AGGF1: variants seen among roughly 807,000 people sequenced by gnomAD.
The protein encoded by AGGF1 is angiogenic factor with G-patch and FHA domains 1.
Under a neutral mutation model 86.5 loss-of-function variants are expected in AGGF1, and 56 were observed. That is an observed-to-expected ratio of 0.65 (90% CI 0.52 to 0.81). The LOEUF (loss-of-function observed/expected upper bound fraction) is 0.81, where lower values mean the gene tolerates loss of function less well. AGGF1 is among the 30% of genes least tolerant of loss of function. The pLI is 0.00. For synonymous variants in AGGF1, 313 were observed against 297.1 expected, an observed-to-expected ratio of 1.05 and a Z score of -0.55; for missense variants, 816 against 850.9, an observed-to-expected ratio of 0.96 and a Z score of 0.51.
At chr5:77,049,791 G>C (rs1747336546) in intron 8 of AGGF1, among the ~76,000 whole-genome samples, 1 of 152,074 alleles carries the variant, frequency 6.6e-6, no homozygotes, top group African/African-American at 2.4e-5. Flanking sequence ...GGGCTCAAGT[G>C]ATCTTGCCTC....
intron 5 of AGGF1, among the ~76,000 whole-genome samples, chr5:77,042,089 A>C (rs1396741625): frequency 6.6e-6 from 1 of 151,570 alleles, no homozygotes; most frequent in African/African-American, 2.4e-5. Flanking sequence ...TTTAACCCTG[A>C]GTGGACACAG....
intron 1 of AGGF1, among the ~76,000 whole-genome samples, chr5:77,032,507 T>G (rs924732424): frequency 7.4e-6 from 1 of 135,680 alleles, no homozygotes; most frequent in Admixed American, 8.7e-5. Context: ...GAGCTTGCAG[T>G]GAGCCGAGAT....
At position 77,036,690 on chromosome 5, in the gene AGGF1, T is replaced by C. The variant is rs1433403378; in HGVS notation, c.651T>C (p.Phe217=). The C allele has an allele frequency of 1.2e-6, 2 of 1,612,728 alleles. No individual in the cohort carries two copies. The highest frequency in any genetic ancestry group is 2.7e-5 in the African/African-American group (2 of 74,900). The change falls in exon 4 of 14, where the codon TTT becomes TTC. Residue 217 remains phenylalanine, a synonymous_variant. Transcript: ENST00000312916. ...FSYDENTGLY[F]DHSTGFYYDS... is the part of the protein sequence containing the mutation. ...ATGATGAAAATACTGGACTGTATTT[T>C]GACCACAGCACTGGTTTCTATTATG...
At position 77,035,594 on chromosome 5, in the gene AGGF1, GAACT is replaced by G; in HGVS notation, c.368_371del (p.Glu123GlyfsTer14). 6.2e-7 allele frequency: 1 copy of G among 1,613,436 alleles called. No homozygotes were observed. The highest frequency in any genetic ancestry group is 8.5e-7 in the Non-Finnish European group (1 of 1,179,632). ...CGTTAGTCTTCCAAATAAAGTGACT[GAACT>G]GTCAGATCAACAAGATCAAGCTATC... On this transcript the variant is annotated frameshift_variant, in exon 3 of 14. Coordinates refer to ENST00000312916, the MANE Select transcript of AGGF1 (RefSeq NM_018046.5). LOFTEE classifies it high-confidence loss of function.
intron 1 of AGGF1, 60 bp from the exon 2 acceptor site, chr5:77,034,358 G>A (rs1331854854): frequency 2.0e-6 from 2 of 997,124 alleles, no homozygotes; most frequent in Non-Finnish European, 3.2e-6. Context: ...TAGGAGACTG[G>A]TATATATATT....
rs753670647 is a variant in AGGF1 at position 77,064,070 on chromosome 5, G to T, written c.*818G>T. The T allele has an allele frequency of 6.6e-6, 1 of 152,542 alleles. No homozygotes were observed. Among genetic ancestry groups the T allele is most frequent in the African/African-American group, 2.4e-5 (1 of 41,420 alleles). The allele number at this position is 152,542 out of a possible 1,614,324, so 9.4% of individuals were successfully genotyped here. A position where few individuals can be genotyped will look rare whatever the true frequency, so the allele number is the denominator to read the frequency against. On this transcript the variant is annotated 3_prime_UTR_variant, in exon 14 of 14. Transcript: ENST00000312916. ...ATACTTATTGAAAACATCCTCAATT[G>T]CAATAAAAACATTATAACATGAAAA... is the stretch of plus-strand genomic sequence containing the variant.
chr5:77,038,948 A>G (rs1052874725), intron 4 of AGGF1, among the ~76,000 whole-genome samples: 1 of 152,152 alleles, frequency 6.6e-6, no homozygotes, highest in African/African-American at 2.4e-5. Context: ...TAATTAGTGG[A>G]GACAGTTTAT....
At position 77,052,854 on chromosome 5, in the gene AGGF1, T is replaced by C. The variant is rs202016736; in HGVS notation, c.1467+47T>C. 1,378 of 1,454,738 alleles carry C rather than the reference T, an allele frequency of 9.5e-4. 1 individual carries two copies. Among genetic ancestry groups the C allele is most frequent in the Middle Eastern group, 2.1e-3 (12 of 5,756 alleles). 90.1% of individuals were successfully genotyped at this position (1,454,738 alleles called of 1,614,324 possible). On this transcript the variant is annotated intron_variant, in intron 9 of 13. Transcript: ENST00000312916. ...TGTTACCTGCACATTATTTTTAAAC[T>C]GATTTTTTTTTATTTCTGAAGGGCA...
At position 77,037,376 on chromosome 5, in the gene AGGF1, T is replaced by C. The variant is rs115095892; in HGVS notation, c.681+656T>C. Among the ~76,000 whole-genome samples the C allele has an allele frequency of 4.1e-3, 629 of 152,360 alleles. 2 individuals are homozygous for C. Among genetic ancestry groups the C allele is most frequent in the African/African-American group, 0.014 (601 of 41,578 alleles). On this transcript the variant is annotated intron_variant, in intron 4 of 13. Coordinates refer to ENST00000312916, the MANE Select transcript of AGGF1 (RefSeq NM_018046.5). ...TTTAAAAATTATATCAAATACTTTA[T>C]GAATTCATTTTAGGCCACATAAGGA...
chr5:77,030,998 C>T (rs920466602), intron 1 of AGGF1, 22 bp downstream of exon 1: 1 of 1,610,422 alleles, frequency 6.2e-7, no homozygotes, highest in Non-Finnish European at 8.5e-7. Context: ...TCCTCAGCCC[C>T]GCGCCCCATC....
Position 77,030,594 on chromosome 5 carries a change from C to T in AGGF1, c.-173C>T, listed in dbSNP as rs557653804. 11 of 780,450 alleles carry T rather than the reference C, an allele frequency of 1.4e-5. No individual in the cohort carries two copies. Among genetic ancestry groups the T allele is most frequent in the South Asian group, 1.2e-4 (8 of 68,322 alleles). 48.3% of individuals were successfully genotyped at this position (780,450 alleles called of 1,614,324 possible). A position where few individuals can be genotyped will look rare whatever the true frequency, so the allele number is the denominator to read the frequency against. On this transcript the variant is annotated 5_prime_UTR_variant, in exon 1 of 14. Transcript: ENST00000312916. ...GTCCCCTTGCTCGTTGCTCGCAGCC[C>T]CGTTCGGCTACAAGTGAGTTTCAGG... is the stretch of plus-strand genomic sequence containing the variant.
rs1373449076 is a variant in AGGF1 at position 77,046,412 on chromosome 5, T to C, written c.936T>C (p.Asn312=). ...ATACAAGCTGCAATGAGGAAGAAAATTTCGCAAATATGAAAAAGAAGGCCA... is the reference window on the plus strand; with the variant it reads ...ATACAAGCTGCAATGAGGAAGAAAACTTCGCAAATATGAAAAAGAAGGCCA... ...VEHTSCNEEE[N]FANMKKKAKI... Residue 312 remains asparagine, a synonymous_variant, in exon 6 of 14, where the codon AAT becomes AAC. Coordinates refer to ENST00000312916, the MANE Select transcript of AGGF1 (RefSeq NM_018046.5). 1 of 1,613,676 alleles carries C rather than the reference T, an allele frequency of 6.2e-7. No individual in the cohort carries two copies. Among genetic ancestry groups the C allele is most frequent in the East Asian group, 2.2e-5 (1 of 44,860 alleles).
intron 5 of AGGF1, 63 bp downstream of exon 5, chr5:77,039,782 T>A (rs1057230840): frequency 1.4e-6 from 2 of 1,436,286 alleles, no homozygotes; most frequent in South Asian, 1.3e-5. Flanking sequence ...AAGACAAAAT[T>A]TTTTATGAAA....
At position 77,052,733 on chromosome 5, in the gene AGGF1, G is replaced by T; in HGVS notation, c.1393G>T (p.Asp465Tyr). 2 of 1,613,312 alleles carry T rather than the reference G, an allele frequency of 1.2e-6. No individual in the cohort carries two copies. Among genetic ancestry groups the T allele is most frequent in the South Asian group, 2.2e-5 (2 of 90,906 alleles). Residue 465 changes from aspartate (D) to tyrosine (Y), a missense_variant, in exon 9 of 14, where the codon GAC (aspartate) becomes TAC (tyrosine). Asp to Tyr is a radical substitution (Grantham distance 160). Transcript: ENST00000312916. ...TCATGCAGAAATTTATTTTGACCATGACTTACAAAGTTATGTCCTTGTGGA... is the reference window on the plus strand; with the variant it reads ...TCATGCAGAAATTTATTTTGACCATTACTTACAAAGTTATGTCCTTGTGGA... ...KFHAEIYFDH[D>Y]LQSYVLVDQG...
chr5:77,047,229 G>A (rs1275983995), intron 6 of AGGF1, among the ~76,000 whole-genome samples: 1 of 152,148 alleles, frequency 6.6e-6, no homozygotes, highest in African/African-American at 2.4e-5. Context: ...AGCTACATCT[G>A]TACTGAACAT....
intron 1 of AGGF1, among the ~76,000 whole-genome samples, chr5:77,032,234 AG>A (rs1247651959): frequency 7.0e-6 from 1 of 142,882 alleles, no homozygotes; most frequent in Non-Finnish European, 1.5e-5. Flanking sequence ...TAACTATGCT[AG>A]GAAAATACAA....
At chr5:77,031,648 C>G (rs1429692063) in intron 1 of AGGF1, among the ~76,000 whole-genome samples, 1 of 152,162 alleles carries the variant, frequency 6.6e-6, no homozygotes, top group African/African-American at 2.4e-5. Context: ...AATCCCAGCA[C>G]TTTGGGAGGC....
chr5:77,051,382 G>A (rs1202183883), intron 8 of AGGF1, among the ~76,000 whole-genome samples: 3 of 150,174 alleles, frequency 2.0e-5, no homozygotes, highest in Admixed American at 6.6e-5. Flanking sequence ...GCAGTGAGCC[G>A]AGATCATGCC....
At chr5:77,034,258 TA>T (rs1466587420) in intron 1 of AGGF1, among the ~76,000 whole-genome samples, 159 bp from the exon 2 acceptor site, 1 of 152,238 alleles carries the variant, frequency 6.6e-6, no homozygotes, top group East Asian at 1.9e-4. Flanking sequence ...AAATGCCTTT[TA>T]AATGTATAAA....
Sources: allele counts gnomAD v4.1 joint callset (sites outside exome capture counted in the v4.1 genomes callset), GRCh38; gene constraint gnomAD v4.1.1; transcripts MANE v1.5; gene names NCBI Gene and HGNC (gene_info 2026-07-23, HGNC 2026-07-21).